Variants in LRRC37A3 observed in about 807,000 individuals in gnomAD.
LRRC37A3 encodes the protein leucine rich repeat containing 37 member A3.
LRRC37A3 carries 25 observed loss-of-function variants against 106.2 expected under a neutral mutation model. The observed-to-expected ratio is 0.24, with a 90% CI of 0.17 to 0.33. LRRC37A3 has a LOEUF of 0.33. Ranked by LOEUF, LRRC37A3 falls within the 10% of genes least tolerant of loss-of-function variation. LRRC37A3 has a pLI of 1.00. For synonymous variants in LRRC37A3, 305 were observed against 635.8 expected, an observed-to-expected ratio of 0.48 and a Z score of 7.83; for missense variants, 712 against 1,644.9, an observed-to-expected ratio of 0.43 and a Z score of 9.81.
At chr17:64,875,060 C>A (rs2143475359) in intron 8 of LRRC37A3, among the ~76,000 whole-genome samples, 1 of 151,876 alleles carries the variant, frequency 6.6e-6, no homozygotes, top group South Asian at 2.1e-4. Flanking sequence ...CTGCCAAATC[C>A]CCCTCTGCGA....
chr17:64,877,558 CAT>C (rs1378784776), intron 8 of LRRC37A3, among the ~76,000 whole-genome samples: 2 of 152,292 alleles, frequency 1.3e-5, no homozygotes, highest in East Asian at 1.9e-4. Context: ...GTGGGAATAA[CAT>C]AGCAGTTAGG....
intron 8 of LRRC37A3, among the ~76,000 whole-genome samples, chr17:64,872,004 C>T (rs868075139): frequency 1.1e-3 from 165 of 151,120 alleles, no homozygotes; most frequent in African/African-American, 3.8e-3. Flanking sequence ...TGGTGGCAGG[C>T]GCCTGTAGTC....
At chr17:64,914,301 G>A (rs1162389313) in intron 2 of LRRC37A3, among the ~76,000 whole-genome samples, 3 of 152,226 alleles carry the variant, frequency 2.0e-5, no homozygotes, top group Non-Finnish European at 4.4e-5. Flanking sequence ...GCTCATGCCT[G>A]TAGTCCCATC....
intron 2 of LRRC37A3, among the ~76,000 whole-genome samples, chr17:64,911,062 ATATG>A (rs1974578672): frequency 6.6e-6 from 1 of 152,216 alleles, no homozygotes; most frequent in Non-Finnish European, 1.5e-5. Context: ...GTATATAGAT[ATATG>A]TATCTATATA....
chr17:64,878,965 A>C (rs1275170481), intron 8 of LRRC37A3, among the ~76,000 whole-genome samples: 7 of 152,234 alleles, frequency 4.6e-5, no homozygotes, highest in African/African-American at 1.2e-4. Context: ...TGATATAGTG[A>C]TGGCTCCATA....
Position 64,868,505 on chromosome 17 carries a change from T to C in LRRC37A3, c.3010A>G (p.Thr1004Ala). 1 of 1,610,670 alleles carries C rather than the reference T, an allele frequency of 6.2e-7. No individual in the cohort carries two copies. The highest frequency in any genetic ancestry group is 8.5e-7 in the Non-Finnish European group (1 of 1,178,930). Reference protein sequence around the residue: ...DMGTTLVPLTTLKNILMMTVE... With the variant: ...DMGTTLVPLTALKNILMMTVE... The stretch of plus-strand genomic sequence containing the variant: ...GTCATCATGAGAATGTTCTTAAGTG[T>C]TGTAAGTGGGACTAGCGTTGTTCCC... Residue 1004 changes from threonine to alanine, a missense_variant, in exon 10 of 15, where the codon ACA becomes GCA. Coordinates refer to ENST00000584306, the MANE Select transcript of LRRC37A3 (RefSeq NM_199340.5).
Position 64,866,607 on chromosome 17 carries a change from TATATATATATATATATATATA to T in LRRC37A3, c.3053+1834_3053+1854del, listed in dbSNP as rs1368895231. 9.9e-4 allele frequency among the ~76,000 whole-genome samples: 19 copies of T among 19,128 alleles called. 1 individual carries two copies. Among genetic ancestry groups the T allele is most frequent in the African/African-American group, 1.8e-3 (5 of 2,794 alleles). The allele number at this position is 19,128 out of a possible 152,430, so 12.5% of individuals were successfully genotyped here. On this transcript the variant is annotated intron_variant, in intron 10 of 14. Coordinates refer to ENST00000584306, the MANE Select transcript of LRRC37A3 (RefSeq NM_199340.5). ...ACACGTACATATATATATATATATA[TATATATATATATATATATATA>T]TTTTTTTTTTTTTTTTTTTTTAGAC...
chr17:64,917,305 C>T (rs1974728839), intron 2 of LRRC37A3, among the ~76,000 whole-genome samples: 1 of 144,022 alleles, frequency 6.9e-6, no homozygotes, highest in African/African-American at 2.6e-5. Flanking sequence ...GGATACAGAG[C>T]AACCGGAACT....
intron 10 of LRRC37A3, among the ~76,000 whole-genome samples, chr17:64,866,622 ATATATATTTTTTT>A (rs1489632200): frequency 4.1e-5 from 1 of 24,530 alleles, no homozygotes; most frequent in African/African-American, 2.2e-4. Flanking sequence ...ATATATATAT[ATATATATTTTTTT>A]TTTTTTTTTT....
intron 8 of LRRC37A3, chr17:64,877,006 C>G (rs183794188): frequency 6.6e-6 from 1 of 152,322 alleles, no homozygotes; most frequent in East Asian, 1.9e-4. Flanking sequence ...ACGGAGTATT[C>G]TGTAAACATG....
chr17:64,890,158 T>C (rs1216472502), intron 5 of LRRC37A3, among the ~76,000 whole-genome samples: 1 of 127,396 alleles, frequency 7.8e-6, no homozygotes, highest in Non-Finnish European at 1.5e-5. Flanking sequence ...AGTGAAGCCA[T>C]TCAACCTTTT....
At chr17:64,874,680 C>A (rs1455375909) in intron 8 of LRRC37A3, among the ~76,000 whole-genome samples, 1 of 152,150 alleles carries the variant, frequency 6.6e-6, no homozygotes, top group African/African-American at 2.4e-5. Context: ...GGAAAAGATA[C>A]AGAAATCAGA....
At position 64,860,073 on chromosome 17, in the gene LRRC37A3, G is replaced by T; in HGVS notation, c.4073C>A (p.Ala1358Asp). 6.2e-7 allele frequency: 1 copy of T among 1,613,986 alleles called. No homozygotes were observed. The highest frequency in any genetic ancestry group is 8.5e-7 in the Non-Finnish European group (1 of 1,179,884). Reference protein sequence around the residue: ...KSLINSPSQGAFSSLRDLSPQ... With the variant: ...KSLINSPSQGDFSSLRDLSPQ... ...ACTCAGGTCTCTTAAGGATGAAAAA[G>T]CCCCTTGTGAAGGGGAATTTATGAG... The change falls in exon 12 of 15, where the codon GCT becomes GAT. Residue 1358 changes from alanine (A) to aspartate (D), a missense_variant. Ala to Asp is a moderately radical substitution (Grantham distance 126, BLOSUM62 -2). Transcript: ENST00000584306.
At chr17:64,883,566 C>G (rs1973772802) in intron 8 of LRRC37A3, among the ~76,000 whole-genome samples, 1 of 151,770 alleles carries the variant, frequency 6.6e-6, no homozygotes. Context: ...ATCGATCAAC[C>G]ACAGCTGGGG....
chr17:64,885,155 G>GT (rs1256800862), intron 8 of LRRC37A3, among the ~76,000 whole-genome samples: 8 of 99,470 alleles, frequency 8.0e-5, no homozygotes, highest in East Asian at 3.8e-4. Context: ...CTTTACAAAA[G>GT]TTTTTTTTTG....
chr17:64,858,464 G>C (rs1972755398), intron 13 of LRRC37A3, among the ~76,000 whole-genome samples: 1 of 152,178 alleles, frequency 6.6e-6, no homozygotes, highest in African/African-American at 2.4e-5. Flanking sequence ...GGCAGAGTAA[G>C]GGTGACTTGG....
intron 10 of LRRC37A3, among the ~76,000 whole-genome samples, chr17:64,866,778 G>T (rs1367454948): frequency 2.1e-5 from 3 of 140,126 alleles, no homozygotes; most frequent in South Asian, 4.5e-4. Flanking sequence ...CTACAGGCGT[G>T]TGCCACCACA....
chr17:64,874,234 C>T (rs1440083603), intron 8 of LRRC37A3, among the ~76,000 whole-genome samples: 2 of 152,242 alleles, frequency 1.3e-5, no homozygotes, highest in Admixed American at 6.5e-5. Context: ...CCTGTCTCTA[C>T]AAAAAATTTA....
At chr17:64,870,868 A>C (rs1206806309) in intron 8 of LRRC37A3, among the ~76,000 whole-genome samples, 165 of 95,956 alleles carry the variant, frequency 1.7e-3, no homozygotes, top group Middle Eastern at 5.2e-3. Context: ...TCTCCCCTTC[A>C]CTCCCCTCCC....
Sources: allele counts gnomAD v4.1 joint callset (sites outside exome capture counted in the v4.1 genomes callset), GRCh38; gene constraint gnomAD v4.1.1; transcripts MANE v1.5; gene names NCBI Gene and HGNC (gene_info 2026-07-23, HGNC 2026-07-21).